Variants in TJP1 observed in about 807,000 individuals in gnomAD.
TJP1 encodes the protein tight junction protein 1.
Under a neutral mutation model 194.2 loss-of-function variants are expected in TJP1, and 43 were observed. That is an observed-to-expected ratio of 0.22 (90% CI 0.17 to 0.29). The LOEUF (loss-of-function observed/expected upper bound fraction) is 0.29. Ranked by LOEUF, TJP1 falls within the 10% of genes least tolerant of loss-of-function variation. TJP1 has a pLI of 1.00. For synonymous variants in TJP1, 801 were observed against 779.0 expected (o/e 1.03, Z -0.47); for missense variants, 1,971 against 2,185.7 (o/e 0.90, Z 1.96).
At chr15:29,894,492 C>T (rs141488554) in intron 2 of TJP1, among the ~76,000 whole-genome samples, 186 of 152,312 alleles carry the variant, frequency 1.2e-3, no homozygotes, top group African/African-American at 4.1e-3. Flanking sequence ...AAAAAGCATA[C>T]ACATAAAGGA....
At chr15:29,913,014 C>G (rs1423023425) in intron 2 of TJP1, among the ~76,000 whole-genome samples, 2 of 152,064 alleles carry the variant, frequency 1.3e-5, no homozygotes, top group African/African-American at 4.8e-5. Context: ...GAACAACAAC[C>G]ATTTCATCAG....
chr15:29,715,492 TAA>T (rs2042507323), intron 23 of TJP1, among the ~76,000 whole-genome samples: 1 of 152,224 alleles, frequency 6.6e-6, no homozygotes, highest in Admixed American at 6.5e-5. Flanking sequence ...AAGTATGTTC[TAA>T]AACAATTTAC....
chr15:29,956,131 G>A (rs2055931770), intron 2 of TJP1: 1 of 1,016,878 alleles, frequency 9.8e-7, no homozygotes, highest in Non-Finnish European at 1.2e-6. Context: ...ATTAAAAAAT[G>A]CCTGCCACAA....
intron 2 of TJP1, 159 bp downstream of exon 2, chr15:29,800,487 C>T: frequency 3.1e-6 from 2 of 654,596 alleles, no homozygotes; most frequent in South Asian, 2.0e-5. Context: ...TCACTTTTGA[C>T]CTTAATAAAA....
rs1229231955 is a variant in TJP1, at chr15:29,877,664, CTT to C, written c.307-76964_307-76963del. 4.7e-5 allele frequency among the ~76,000 whole-genome samples: 7 copies of C among 148,726 alleles called. No individual in the cohort carries two copies. In the Admixed American group the frequency reaches 4.7e-4, roughly 10 times the overall value. On this transcript the variant is annotated intron_variant, in intron 2 of 28. Transcript: ENST00000356107. ...TCTCTTTCTTTCTTTGTCTCTCTCT[CTT>C]TCTTTTTTTTTTGAGAGAGTCTCAC...
chr15:29,735,192 T>C (rs2043946066), intron 11 of TJP1, among the ~76,000 whole-genome samples: 1 of 151,490 alleles, frequency 6.6e-6, no homozygotes, highest in Non-Finnish European at 1.5e-5. Flanking sequence ...TTCCACCTTT[T>C]GGAAATTTTC....
intron 2 of TJP1, among the ~76,000 whole-genome samples, chr15:29,833,882 T>TATATATATATATATATATA (rs67819417): frequency 1.3e-4 from 1 of 7,966 alleles, no homozygotes; most frequent in Non-Finnish European, 2.4e-4. Context: ...TATATATATA[T>TATATATATATATATATATA]TTTTTTTTTT....
intron 11 of TJP1, among the ~76,000 whole-genome samples, chr15:29,734,876 T>C (rs1003680617): frequency 4.6e-5 from 7 of 151,950 alleles, no homozygotes; most frequent in South Asian, 2.1e-4. Context: ...ACAAATAAAG[T>C]GAGTTAAAGG....
At position 29,701,517 on chromosome 15, in the gene TJP1, A is replaced by G. The variant is rs540649523; in HGVS notation, c.*78T>C. ...CTGTAGTATCAACTCTAAAAAAGGTATAATACTTGATAGAGTGGTTCCATT... is the reference window on the plus strand; with the variant it reads ...CTGTAGTATCAACTCTAAAAAAGGTGTAATACTTGATAGAGTGGTTCCATT... On this transcript the variant is annotated 3_prime_UTR_variant, in exon 28 of 28. Transcript: ENST00000614355. The G allele has an allele frequency of 1.0e-4, 121 of 1,193,610 alleles. No individual in the cohort carries two copies. In the East Asian group the frequency reaches 2.0e-3, roughly 19 times the overall value. The allele number at this position is 1,193,610 out of a possible 1,614,324, so 73.9% of individuals were successfully genotyped here. A position where few individuals can be genotyped will look rare whatever the true frequency, so the allele number is the denominator to read the frequency against.
chr15:29,830,822 T>C (rs2050815759), intron 2 of TJP1, among the ~76,000 whole-genome samples: 2 of 151,990 alleles, frequency 1.3e-5, no homozygotes, highest in East Asian at 1.9e-4. Flanking sequence ...GAGCAAGAAA[T>C]ATACAAGATA....
chr15:29,812,158 A>C (rs895737225), intron 1 of TJP1, among the ~76,000 whole-genome samples: 1 of 152,216 alleles, frequency 6.6e-6, no homozygotes, highest in Non-Finnish European at 1.5e-5. Context: ...CTAAACTCAC[A>C]TATAAGTAAA....
At chr15:29,763,992 G>T (rs2046174284) in intron 5 of TJP1, among the ~76,000 whole-genome samples, 2 of 152,114 alleles carry the variant, frequency 1.3e-5, no homozygotes, top group Admixed American at 1.3e-4. Context: ...CCATTACACA[G>T]ATGACCCCAA....
intron 1 of TJP1, chr15:29,820,468 G>C: frequency 1.4e-6 from 1 of 713,084 alleles, no homozygotes; most frequent in Non-Finnish European, 2.6e-6. Context: ...AACGAGTGAT[G>C]CTTTTCAATA....
At chr15:29,795,524 T>C (rs1394155199) in intron 2 of TJP1, among the ~76,000 whole-genome samples, 1 of 151,796 alleles carries the variant, frequency 6.6e-6, no homozygotes, top group Non-Finnish European at 1.5e-5. Context: ...GAAACTGAAT[T>C]TGTAATGAAA....
At chr15:29,720,213 T>C (rs2042844281) in intron 19 of TJP1, 145 bp downstream of exon 19, 3 of 1,117,338 alleles carry the variant, frequency 2.7e-6, no homozygotes, top group Non-Finnish European at 3.7e-6. Flanking sequence ...AATTTAGAAT[T>C]AAGCCCTTGG....
At chr15:29,709,178 T>A in intron 24 of TJP1, 142 bp from the exon 25 acceptor site, 1 of 743,120 alleles carries the variant, frequency 1.3e-6, no homozygotes, top group South Asian at 1.9e-5. Flanking sequence ...CCCTGGAGGC[T>A]AGGTGTGATG....
At chr15:29,872,146 A>G (rs1354740659) in intron 2 of TJP1, among the ~76,000 whole-genome samples, 1 of 152,256 alleles carries the variant, frequency 6.6e-6, no homozygotes, top group East Asian at 1.9e-4. Flanking sequence ...ACTCCTTGAT[A>G]CCATTTCATT....
In TJP1 at chr15:29,701,494, G is replaced by T; in HGVS notation, c.*101C>A. The T allele has an allele frequency of 2.2e-6, 2 of 912,008 alleles. No individual in the cohort carries two copies. The highest frequency in any genetic ancestry group is 1.7e-6 in the Non-Finnish European group (1 of 588,746). The allele number at this position is 912,008 out of a possible 1,614,324, so 56.5% of individuals were successfully genotyped here. ...AACAAATGCCTCATACTAACAAACT[G>T]TAGTATCAACTCTAAAAAAGGTATA... On this transcript the variant is annotated 3_prime_UTR_variant, in exon 28 of 28. Transcript: ENST00000614355.
chr15:29,735,677 G>C (rs188354509), intron 11 of TJP1, among the ~76,000 whole-genome samples: 33 of 151,938 alleles, frequency 2.2e-4, no homozygotes, highest in African/African-American at 7.7e-4. Flanking sequence ...TAAGAAAATA[G>C]GTCTCTTTAC....
Sources: allele counts gnomAD v4.1 joint callset (sites outside exome capture counted in the v4.1 genomes callset), GRCh38; gene constraint gnomAD v4.1.1; transcripts MANE v1.5; gene names NCBI Gene and HGNC (gene_info 2026-07-23, HGNC 2026-07-21).